SPATS2: variants seen among roughly 807,000 people sequenced by gnomAD.
SPATS2 encodes spermatogenesis associated serine rich 2, also known as spermatogenesis-associated serine-rich protein 2.
Under a neutral mutation model 63.7 loss-of-function variants are expected in SPATS2, and 38 were observed. That is an observed-to-expected ratio of 0.60 (90% CI 0.46 to 0.78). The LOEUF (loss-of-function observed/expected upper bound fraction) is 0.78, where lower values mean the gene tolerates loss of function less well. Ranked by LOEUF, SPATS2 falls within the 30% of genes least tolerant of loss-of-function variation. SPATS2 has a pLI of 0.00. For missense variants in SPATS2, 588 were observed against 666.2 expected, an observed-to-expected ratio of 0.88 and a Z score of 1.29; for synonymous variants, 207 against 232.9, an observed-to-expected ratio of 0.89 and a Z score of 1.01.
intron 3 of SPATS2, chr12:49,462,125 T>G: frequency 1.7e-6 from 1 of 574,460 alleles, no homozygotes; most frequent in Non-Finnish European, 3.1e-6. Flanking sequence ...GCAAATTACT[T>G]TGACCTTTTT....
At chr12:49,372,940 T>G (rs1027739292) in intron 2 of SPATS2, among the ~76,000 whole-genome samples, 8 of 130,136 alleles carry the variant, frequency 6.1e-5, no homozygotes, top group South Asian at 5.6e-4. Flanking sequence ...ATTTTCTGTT[T>G]TGTGTGTGTG....
intron 2 of SPATS2, among the ~76,000 whole-genome samples, chr12:49,425,344 GTTTTTC>G (rs1472945223): frequency 6.6e-6 from 1 of 152,024 alleles, no homozygotes; most frequent in Non-Finnish European, 1.5e-5. Context: ...ATTTACTTTT[GTTTTTC>G]TTTTCTTTTT....
chr12:49,371,007 C>A (rs1170216188), intron 1 of SPATS2, among the ~76,000 whole-genome samples: 1 of 152,242 alleles, frequency 6.6e-6, no homozygotes, highest in East Asian at 1.9e-4. Flanking sequence ...GCCACCTCAC[C>A]TGGCCTTTTT....
At chr12:49,430,093 TTTC>T (rs1945156200) in intron 2 of SPATS2, among the ~76,000 whole-genome samples, 1 of 139,790 alleles carries the variant, frequency 7.2e-6, no homozygotes, top group South Asian at 2.2e-4. Context: ...CTTTTTCATA[TTTC>T]TTGTTTTTTT....
At chr12:49,449,719 C>T (rs188808031) in intron 2 of SPATS2, among the ~76,000 whole-genome samples, 3 of 152,148 alleles carry the variant, frequency 2.0e-5, no homozygotes, top group Non-Finnish European at 4.4e-5. Context: ...GGGGAACTCC[C>T]ATTTATAAAA....
At chr12:49,439,725 C>A (rs901701646) in intron 2 of SPATS2, among the ~76,000 whole-genome samples, 1 of 152,164 alleles carries the variant, frequency 6.6e-6, no homozygotes, top group Non-Finnish European at 1.5e-5. Context: ...TTCCTTCCCA[C>A]CTTAGCAGTC....
chr12:49,494,871 A>G lies in SPATS2; in HGVS notation c.395A>G (p.Tyr132Cys). The change falls in exon 7 of 14, where the codon TAC becomes TGC. Residue 132 changes from tyrosine (Y) to cysteine (C), a missense_variant. Transcript: ENST00000552918. ...PSSEKGGMNGYHVNGAINDTE... is the reference protein window; with the variant it reads ...PSSEKGGMNGCHVNGAINDTE... ...TCAGAGAAAGGTGGTATGAATGGCT[A>G]CCATGTCAATGGTGCCATCAATGAC... 10 of 1,614,088 alleles carry G rather than the reference A, an allele frequency of 6.2e-6. No individual in the cohort carries two copies. The highest frequency in any genetic ancestry group is 8.5e-6 in the Non-Finnish European group (10 of 1,180,012).
chr12:49,472,331 G>T (rs1946049101), intron 3 of SPATS2, among the ~76,000 whole-genome samples: 1 of 151,210 alleles, frequency 6.6e-6, no homozygotes, highest in African/African-American at 2.4e-5. Flanking sequence ...CTATCTTAAG[G>T]AAAGACTTTA....
At chr12:49,379,898 C>T (rs1258438086) in intron 2 of SPATS2, among the ~76,000 whole-genome samples, 1 of 152,118 alleles carries the variant, frequency 6.6e-6, no homozygotes, top group East Asian at 1.9e-4. Flanking sequence ...GCTGGGATTA[C>T]AGGCATGAGC....
intron 9 of SPATS2, among the ~76,000 whole-genome samples, chr12:49,503,476 C>T (rs1477003124): frequency 4.0e-5 from 6 of 151,436 alleles, no homozygotes; most frequent in African/African-American, 4.8e-5. Context: ...GGTGAAACCC[C>T]GTCTCTACTA....
At chr12:49,372,586 T>C (rs572806684) in intron 2 of SPATS2, among the ~76,000 whole-genome samples, 6 of 152,380 alleles carry the variant, frequency 3.9e-5, no homozygotes, top group Admixed American at 2.6e-4. Context: ...CTATATGTTA[T>C]GTAAAATGCG....
chr12:49,469,389 C>CA (rs779364300), intron 3 of SPATS2: 9,305 of 68,214 alleles, frequency 0.14, 1,231 homozygotes, highest in African/African-American at 0.38. Context: ...GACTCTGTCT[C>CA]AAAAAAAAAA....
In SPATS2 at chr12:49,525,958, C is replaced by T; in HGVS notation, c.1341C>T (p.Asn447=). The change falls in exon 14 of 14, where the codon AAC becomes AAT. Residue 447 remains asparagine (N), a synonymous_variant. Transcript: ENST00000552918. The part of the protein sequence containing the change: ...YQPLREVLPG[N]RRGGQGYRPQ... ...TTCATCTTTAGGTATTGCCAGGGAA[C>T]AGACGAGGAGGACAGGGCTATAGGC... The T allele has an allele frequency of 6.2e-7, 1 of 1,613,696 alleles. No individual in the cohort carries two copies. The highest frequency in any genetic ancestry group is 8.5e-7 in the Non-Finnish European group (1 of 1,179,708).
chr12:49,516,204 T>TATATATATAAAAATAA (rs764472141), intron 10 of SPATS2, among the ~76,000 whole-genome samples: 9 of 70,714 alleles, frequency 1.3e-4, no homozygotes, highest in African/African-American at 4.7e-4. Context: ...TATATATATA[T>TATATATATAAAAATAA]ATATAAATCA....
At chr12:49,400,754 G>A (rs1462567952) in intron 2 of SPATS2, among the ~76,000 whole-genome samples, 1 of 152,104 alleles carries the variant, frequency 6.6e-6, no homozygotes, top group Non-Finnish European at 1.5e-5. Flanking sequence ...ACCAAATAGA[G>A]GAGTGGGAGA....
At chr12:49,497,328 A>G (rs182458336) in intron 8 of SPATS2, among the ~76,000 whole-genome samples, 1 of 149,848 alleles carries the variant, frequency 6.7e-6, no homozygotes, top group African/African-American at 2.4e-5. Flanking sequence ...TTTTGGTGCT[A>G]TTTCTTTCAT....
intron 2 of SPATS2, among the ~76,000 whole-genome samples, chr12:49,428,281 A>C (rs143602779): frequency 1.9e-4 from 29 of 152,232 alleles, no homozygotes; most frequent in African/African-American, 6.3e-4. Flanking sequence ...AACAAAAAAA[A>C]AAAACAAAAA....
chr12:49,515,738 G>A (rs550451745), intron 10 of SPATS2, among the ~76,000 whole-genome samples: 2 of 152,214 alleles, frequency 1.3e-5, no homozygotes, highest in East Asian at 3.9e-4. Context: ...GGTCCTTTTA[G>A]GCCAGGCGTG....
At chr12:49,520,433 ACCT>A (rs1232983714) in intron 11 of SPATS2, among the ~76,000 whole-genome samples, 1 of 151,540 alleles carries the variant, frequency 6.6e-6, no homozygotes, top group Non-Finnish European at 1.5e-5. Context: ...ACCACCCTTG[ACCT>A]CCTCATCCTT....
Sources: gnomAD v4.1 joint callset for allele counts (sites outside exome capture counted in the v4.1 genomes callset) on GRCh38, gnomAD v4.1.1 for gene constraint, MANE v1.5 for transcripts, NCBI Gene and HGNC (gene_info 2026-07-23, HGNC 2026-07-21) for gene names.